Variants in CYSLTR1 observed in about 807,000 individuals in gnomAD.
The protein encoded by CYSLTR1 is cysteinyl leukotriene receptor 1.
CYSLTR1 carries 1 observed loss-of-function variant against 2.1 expected under a neutral mutation model. The observed-to-expected ratio is 0.48, with a 90% confidence interval of 0.17 to 2.28. CYSLTR1 has a LOEUF of 2.28. Ranked by LOEUF, CYSLTR1 falls within the 30% of genes most tolerant of loss-of-function variation. The probability of loss-of-function intolerance (pLI) is 0.26; values close to 1 mark genes in which losing one functional copy is unlikely to be tolerated. For synonymous variants in CYSLTR1, 110 were observed against 89.6 expected (o/e 1.23, Z -1.28); for missense variants, 299 against 250.1 (o/e 1.20, Z -1.32).
intron 2 of CYSLTR1, among the ~76,000 whole-genome samples, chrX:78,280,528 G>GC (rs1569552198): frequency 9.4e-6 from 1 of 106,714 alleles, no homozygotes; most frequent in East Asian, 3.1e-4. Flanking sequence ...TGTGTGTTGG[G>GC]GGGGGGGTAA....
rs996473832 is a variant in CYSLTR1, at chrX:78,285,385, T to G, written c.-114-1845A>C. On this transcript the variant is annotated intron_variant, in intron 1 of 2. Coordinates refer to ENST00000373304, the MANE Select transcript of CYSLTR1 (RefSeq NM_006639.4). The stretch of plus-strand genomic sequence containing the variant: ...TGCAGTGAGCCGAGATCGCGCCACT[T>G]CACTCCAGCCTGGGCTACAGAGCGA... Among the ~76,000 whole-genome samples, 105 of 96,221 alleles carry G rather than the reference T, an allele frequency of 1.1e-3. No individual in the cohort carries two copies. In the Middle Eastern group the frequency reaches 0.018, roughly 17 times the overall value. The allele number at this position is 96,221 out of a possible 115,157, so 83.6% of individuals were successfully genotyped here. A position where few individuals can be genotyped will look rare whatever the true frequency, so the allele number is the denominator to read the frequency against.
rs1368547681 is a variant in CYSLTR1, at chrX:78,272,622, T to C, written c.*111A>G. 2 of 757,109 alleles carry C rather than the reference T, an allele frequency of 2.6e-6. No homozygotes were observed. Among genetic ancestry groups the C allele is most frequent in the Non-Finnish European group, 3.6e-6 (2 of 554,264 alleles). The allele number at this position is 757,109 out of a possible 1,213,427, so 62.4% of individuals were successfully genotyped here. On this transcript the variant is annotated 3_prime_UTR_variant, in exon 3 of 3. Coordinates refer to ENST00000373304, the MANE Select transcript of CYSLTR1 (RefSeq NM_006639.4). ...GAGATAGAGTTGTAGGCCCAAATAG[T>C]TAAGTATTTGTAAAATATTAAGTAA...
intron 1 of CYSLTR1, among the ~76,000 whole-genome samples, chrX:78,286,074 T>C: frequency 8.9e-6 from 1 of 111,970 alleles, no homozygotes; most frequent in Non-Finnish European, 1.9e-5. Flanking sequence ...GGATACTTTT[T>C]CTGCATCAGC....
intron 1 of CYSLTR1, among the ~76,000 whole-genome samples, chrX:78,310,950 A>T (rs1253985806): frequency 9.1e-6 from 1 of 110,261 alleles, no homozygotes; most frequent in Non-Finnish European, 1.9e-5. Context: ...GAAATTAGGT[A>T]GAAAAGAAAT....
intron 1 of CYSLTR1, among the ~76,000 whole-genome samples, chrX:78,286,573 T>G (rs894074783): frequency 1.8e-5 from 2 of 110,252 alleles, no homozygotes; most frequent in Admixed American, 1.9e-4. Context: ...TGTATACATG[T>G]GCTATGCTGG....
intron 1 of CYSLTR1, among the ~76,000 whole-genome samples, chrX:78,287,188 T>C (rs1922110365): frequency 8.9e-6 from 1 of 112,178 alleles, no homozygotes; most frequent in Admixed American, 9.5e-5. Flanking sequence ...TCAACTTTTC[T>C]TTTATAGATT....
At chrX:78,322,791 G>A (rs998995417) in intron 1 of CYSLTR1, among the ~76,000 whole-genome samples, 3 of 111,571 alleles carry the variant, frequency 2.7e-5, no homozygotes, top group African/African-American at 6.5e-5. Flanking sequence ...CTGATACTTC[G>A]TTGCTGACAG....
chrX:78,311,843 A>T (rs1603411842), intron 1 of CYSLTR1, among the ~76,000 whole-genome samples: 1 of 112,206 alleles, frequency 8.9e-6, no homozygotes, highest in South Asian at 3.7e-4. Flanking sequence ...TGATACAAAT[A>T]AATGGAAAAA....
intron 1 of CYSLTR1, among the ~76,000 whole-genome samples, chrX:78,298,109 CCTT>C (rs1393462063): frequency 9.0e-6 from 1 of 111,055 alleles, no homozygotes; most frequent in East Asian, 2.8e-4. Context: ...TTTTCAATTT[CCTT>C]CTTAATTGTT....
chrX:78,288,940 A>G (rs760940288), intron 1 of CYSLTR1, among the ~76,000 whole-genome samples: 1 of 100,089 alleles, frequency 1.0e-5, no homozygotes, highest in African/African-American at 3.6e-5. Flanking sequence ...GATCCCACAA[A>G]TGAGTGGGAA....
At chrX:78,296,072 G>A (rs1922561158) in intron 1 of CYSLTR1, among the ~76,000 whole-genome samples, 1 of 111,450 alleles carries the variant, frequency 9.0e-6, no homozygotes, top group Non-Finnish European at 1.9e-5. Context: ...TTTGATTTTT[G>A]TATATGGTAA....
intron 1 of CYSLTR1, among the ~76,000 whole-genome samples, chrX:78,294,566 A>G (rs907666204): frequency 1.8e-5 from 2 of 112,683 alleles, no homozygotes; most frequent in African/African-American, 6.5e-5. Flanking sequence ...CCTTTTGTTC[A>G]GCTACACCCT....
chrX:78,306,808 T>C (rs1265218921), intron 1 of CYSLTR1, among the ~76,000 whole-genome samples: 1 of 111,312 alleles, frequency 9.0e-6, no homozygotes, highest in Non-Finnish European at 1.9e-5. Flanking sequence ...ATGAAAAATG[T>C]GTAGTATTGT....
intron 1 of CYSLTR1, among the ~76,000 whole-genome samples, chrX:78,297,064 C>T (rs1712834569): frequency 9.0e-6 from 1 of 111,220 alleles, no homozygotes; most frequent in African/African-American, 3.3e-5. Context: ...AGGCATGTTT[C>T]TTTTATACTT....
intron 1 of CYSLTR1, among the ~76,000 whole-genome samples, chrX:78,323,682 A>G (rs1464186405): frequency 5.4e-5 from 6 of 111,617 alleles, no homozygotes; most frequent in African/African-American, 2.0e-4. Context: ...TCAAAACTGG[A>G]TTTTTCTTTC....
At chrX:78,314,262 TTGA>T (rs1207018740) in intron 1 of CYSLTR1, among the ~76,000 whole-genome samples, 2 of 111,358 alleles carry the variant, frequency 1.8e-5, no homozygotes, top group Admixed American at 9.5e-5. Context: ...GACTAGAGAG[TTGA>T]TGATTCACCC....
At chrX:78,314,951 T>G (rs1382167261) in intron 1 of CYSLTR1, among the ~76,000 whole-genome samples, 1 of 107,425 alleles carries the variant, frequency 9.3e-6, no homozygotes. Flanking sequence ...AAGAGAGCGC[T>G]TATATCATCC....
chrX:78,298,250 T>C (rs1176329534), intron 1 of CYSLTR1, among the ~76,000 whole-genome samples: 10 of 112,078 alleles, frequency 8.9e-5, no homozygotes, highest in African/African-American at 2.9e-4. Context: ...CTTGATATTA[T>C]TTCAATTTTT....
At chrX:78,316,724 CAT>C (rs1449800883) in intron 1 of CYSLTR1, among the ~76,000 whole-genome samples, 1 of 111,723 alleles carries the variant, frequency 9.0e-6, no homozygotes, top group East Asian at 2.8e-4. Flanking sequence ...CAAACAAAAA[CAT>C]AAACTGGGAA....
Sources: gnomAD v4.1 joint callset for allele counts (sites outside exome capture counted in the v4.1 genomes callset) on GRCh38, gnomAD v4.1.1 for gene constraint, MANE v1.5 for transcripts, NCBI Gene and HGNC (gene_info 2026-07-23, HGNC 2026-07-21) for gene names.